GRM7: variants seen among roughly 807,000 people sequenced by gnomAD.
The protein encoded by GRM7 is metabotropic glutamate receptor 7.
GRM7 carries 35 observed loss-of-function variants against 84.5 expected under a neutral mutation model. The observed-to-expected ratio is 0.41, with a 90% CI of 0.32 to 0.55. The LOEUF (loss-of-function observed/expected upper bound fraction) is 0.55. GRM7 is among the 20% of genes least tolerant of loss of function. GRM7 has a pLI of 0.19. For synonymous variants in GRM7, 487 were observed against 455.1 expected (o/e 1.07, Z -0.89); for missense variants, 1,003 against 1,194.6 (o/e 0.84, Z 2.36).
At chr3:7,008,990 A>G (rs996946420) in intron 1 of GRM7, among the ~76,000 whole-genome samples, 1 of 152,198 alleles carries the variant, frequency 6.6e-6, no homozygotes, top group Non-Finnish European at 1.5e-5. Context: ...ATGAATATAA[A>G]AAGATCTTCT....
intron 9 of GRM7, among the ~76,000 whole-genome samples, chr3:7,726,621 A>C (rs1412297771): frequency 0.034 from 896 of 26,234 alleles, 35 homozygotes; most frequent in African/African-American, 0.1. Flanking sequence ...CTCTATATAT[A>C]TATATATATA....
At position 7,166,739 on chromosome 3, in the gene GRM7, T is replaced by C. The variant is rs539773652; in HGVS notation, c.736+20071T>C. Among the ~76,000 whole-genome samples, 11 of 152,256 alleles carry C rather than the reference T, an allele frequency of 7.2e-5. No homozygotes were observed. In the East Asian group the frequency reaches 2.1e-3, roughly 29 times the overall value. ...TGCCGCTTGATGGCACTGACATCCA[T>C]CAGAGAAAATGATTCTGCTTGAATC... On this transcript the variant is annotated intron_variant, in intron 2 of 9. Transcript: ENST00000357716.
intron 1 of GRM7, among the ~76,000 whole-genome samples, chr3:7,025,587 G>A (rs1695953655): frequency 6.6e-6 from 1 of 152,172 alleles, no homozygotes; most frequent in South Asian, 2.1e-4. Context: ...CCTGAGTCAT[G>A]CCTGCAGACG....
intron 7 of GRM7, among the ~76,000 whole-genome samples, chr3:7,568,302 C>T (rs530773062): frequency 3.9e-5 from 6 of 152,198 alleles, no homozygotes; most frequent in Admixed American, 2.0e-4. Flanking sequence ...GACATACCTG[C>T]ACTGGGCAAT....
intron 2 of GRM7, among the ~76,000 whole-genome samples, chr3:7,248,371 A>G (rs147338324): frequency 4.6e-5 from 7 of 152,266 alleles, no homozygotes; most frequent in Non-Finnish European, 8.8e-5. Flanking sequence ...GCAAAAGAGA[A>G]CATAGTTTAT....
rs146196862 is a variant in GRM7, at chr3:7,012,299, T to A, written c.520-134153T>A. Among the ~76,000 whole-genome samples, 339 of 152,336 alleles carry A rather than the reference T, an allele frequency of 2.2e-3. 1 individual carries two copies. The highest frequency in any genetic ancestry group is 7.9e-3 in the African/African-American group (328 of 41,580). On this transcript the variant is annotated intron_variant, in intron 1 of 9. Transcript: ENST00000357716. ...TCAGCTCCACATCCTTGCCTGATAC[T>A]TTGGTTTTTAAAGGGCATTTGAAAA... is the stretch of plus-strand genomic sequence containing the variant.
intron 7 of GRM7, among the ~76,000 whole-genome samples, chr3:7,565,993 T>G (rs1469291092): frequency 6.6e-6 from 1 of 152,164 alleles, no homozygotes; most frequent in Non-Finnish European, 1.5e-5. Context: ...TATGTTTGGT[T>G]AAGGGAAAGG....
chr3:6,888,704 T>G (rs1021143743), intron 1 of GRM7, among the ~76,000 whole-genome samples: 1 of 152,158 alleles, frequency 6.6e-6, no homozygotes, highest in East Asian at 1.9e-4. Flanking sequence ...AGGATTGACT[T>G]GGCGATGCGG....
At chr3:7,029,113 G>A (rs1696089557) in intron 1 of GRM7, among the ~76,000 whole-genome samples, 1 of 152,098 alleles carries the variant, frequency 6.6e-6, no homozygotes, top group Admixed American at 6.6e-5. Context: ...AGACCAGCCT[G>A]GCTAACATGG....
intron 1 of GRM7, among the ~76,000 whole-genome samples, chr3:6,953,778 G>A (rs962921658): frequency 6.6e-6 from 1 of 152,150 alleles, no homozygotes; most frequent in African/African-American, 2.4e-5. Flanking sequence ...CTTTCAGCCA[G>A]GTAGGCTAGT....
At chr3:6,875,361 A>G (rs1432559783) in intron 1 of GRM7, among the ~76,000 whole-genome samples, 1 of 152,078 alleles carries the variant, frequency 6.6e-6, no homozygotes, top group Non-Finnish European at 1.5e-5. Flanking sequence ...GGGCGGGGCC[A>G]GGTAGAGGTA....
intron 4 of GRM7, among the ~76,000 whole-genome samples, chr3:7,373,012 A>G (rs1339965182): frequency 6.6e-6 from 1 of 152,190 alleles, no homozygotes; most frequent in Non-Finnish European, 1.5e-5. Context: ...TAATTAGAAC[A>G]GCATATTTGA....
At chr3:7,229,751 A>ATG (rs1559514670) in intron 2 of GRM7, among the ~76,000 whole-genome samples, 1 of 28,646 alleles carries the variant, frequency 3.5e-5, no homozygotes, top group South Asian at 1.1e-3. Context: ...ATATATATAT[A>ATG]TATATATATT....
chr3:6,881,562 C>G (rs1461596528), intron 1 of GRM7, among the ~76,000 whole-genome samples: 1 of 151,200 alleles, frequency 6.6e-6, no homozygotes, highest in Non-Finnish European at 1.5e-5. Context: ...TGGTCTAATA[C>G]CCACAATCTA....
chr3:6,968,856 C>T (rs1693628581), intron 1 of GRM7, among the ~76,000 whole-genome samples: 2 of 152,100 alleles, frequency 1.3e-5, no homozygotes, highest in Admixed American at 1.3e-4. Context: ...CCAGAATTAC[C>T]ACATGTGTAC....
chr3:7,423,479 A>T (rs1696479215), intron 5 of GRM7, among the ~76,000 whole-genome samples: 1 of 152,174 alleles, frequency 6.6e-6, no homozygotes, highest in African/African-American at 2.4e-5. Context: ...CTCGTAAACA[A>T]AGTGCCCTTA....
chr3:7,178,005 C>T (rs1182824612), intron 2 of GRM7, among the ~76,000 whole-genome samples: 1 of 152,130 alleles, frequency 6.6e-6, no homozygotes, highest in Admixed American at 6.5e-5. Context: ...TATTTTTCTT[C>T]TTGCTTTTGC....
intron 8 of GRM7, among the ~76,000 whole-genome samples, chr3:7,669,895 T>C (rs1699851823): frequency 6.8e-6 from 1 of 147,028 alleles, no homozygotes; most frequent in Non-Finnish European, 1.5e-5. Context: ...ACTGAATGAC[T>C]ACTTGTTTAC....
chr3:7,448,527 A>G (rs1697626099), intron 5 of GRM7, among the ~76,000 whole-genome samples: 2 of 152,164 alleles, frequency 1.3e-5, no homozygotes, highest in South Asian at 4.1e-4. Flanking sequence ...TTGGGAGAGG[A>G]GGAGTAGGGA....
Sources: gnomAD v4.1 joint callset for allele counts (sites outside exome capture counted in the v4.1 genomes callset) on GRCh38, gnomAD v4.1.1 for gene constraint, MANE v1.5 for transcripts, NCBI Gene and HGNC (gene_info 2026-07-23, HGNC 2026-07-21) for gene names.